Variants in IQSEC3 observed in about 807,000 individuals in gnomAD.
The protein encoded by IQSEC3 is IQ motif and Sec7 domain ArfGEF 3, also known as IQ motif and SEC7 domain-containing protein 3.
A neutral mutation model predicts 105.4 loss-of-function variants in IQSEC3; 50 were observed. The ratio of observed to expected loss-of-function variants is 0.47; its 90% CI spans 0.38 to 0.60. The LOEUF (loss-of-function observed/expected upper bound fraction) is 0.60, where lower values mean the gene tolerates loss of function less well. IQSEC3 is among the 20% of genes least tolerant of loss of function. IQSEC3 has a pLI of 0.00. For missense variants in IQSEC3, 1,415 were observed against 1,630.0 expected (o/e 0.87, Z 2.27); for synonymous variants, 708 against 746.0 (o/e 0.95, Z 0.83).
chr12:86,516 G>T (rs1006066780), intron 1 of IQSEC3, among the ~76,000 whole-genome samples: 2 of 152,122 alleles, frequency 1.3e-5, no homozygotes, highest in African/African-American at 2.4e-5. Context: ...TAGCTCATTT[G>T]CTCATCACAA....
intron 1 of IQSEC3, among the ~76,000 whole-genome samples, chr12:85,576 T>A (rs1012520896): frequency 6.6e-6 from 1 of 152,168 alleles, no homozygotes; most frequent in African/African-American, 2.4e-5. Context: ...GGCATGGAGC[T>A]CGAGGACTGA....
At chr12:127,364 CAA>C (rs1865450029) in intron 3 of IQSEC3, among the ~76,000 whole-genome samples, 1 of 151,912 alleles carries the variant, frequency 6.6e-6, no homozygotes, top group South Asian at 2.1e-4. Context: ...ACTAAAAATA[CAA>C]AAATTAGCCA....
At chr12:98,574 A>T (rs1187928543) in intron 1 of IQSEC3, among the ~76,000 whole-genome samples, 1 of 152,226 alleles carries the variant, frequency 6.6e-6, no homozygotes, top group Non-Finnish European at 1.5e-5. Flanking sequence ...ACTAGAACCC[A>T]GATCCCTGCC....
intron 7 of IQSEC3, among the ~76,000 whole-genome samples, chr12:159,535 G>A (rs893533091): frequency 6.6e-6 from 1 of 152,308 alleles, no homozygotes; most frequent in Middle Eastern, 3.4e-3. Flanking sequence ...CTCAAAACAC[G>A]CCAATCAGGA....
At position 129,136 on chromosome 12, in the gene IQSEC3, T is replaced by C. The variant is rs1036551231; in HGVS notation, c.903+3224T>C. ...CCATTGCCTGTTGCCTCCTCTGTGC[T>C]GTCTGGGAGTGGGAGCTGTTCCGCT... On this transcript the variant is annotated intron_variant, in intron 3 of 13. Coordinates refer to ENST00000538872, the MANE Select transcript of IQSEC3 (RefSeq NM_001170738.2). 4.6e-5 allele frequency among the ~76,000 whole-genome samples: 7 copies of C among 152,372 alleles called. 1 individual carries two copies. Among genetic ancestry groups the C allele is most frequent in the Non-Finnish European group, 2.9e-5 (2 of 68,034 alleles).
At chr12:98,891 G>A (rs569555864) in intron 1 of IQSEC3, among the ~76,000 whole-genome samples, 1 of 152,282 alleles carries the variant, frequency 6.6e-6, no homozygotes, top group East Asian at 1.9e-4. Flanking sequence ...GAGTTCCCAG[G>A]GAGGTCAAGG....
Position 138,391 on chromosome 12 carries a change from T to A in IQSEC3, c.1028T>A (p.Leu343Gln). ...KNFEKIRNSLLESRLPRRISL... is the reference protein window; with the variant it reads ...KNFEKIRNSLQESRLPRRISL... ...TTCGAGAAAATCCGCAACTCGCTTC[T>A]GGAGAGCCGCCTGCCACGGCGGATC... is the stretch of plus-strand genomic sequence containing the variant. Residue 343 changes from leucine (L) to glutamine (Q), a missense_variant, in exon 4 of 14, where the codon CTG becomes CAG. Around this residue, in one of 6 missense-constraint regions of IQSEC3, gnomAD observed 720 missense variants for 633.0 expected, o/e 1.14. Transcript: ENST00000538872. The surrounding 1 kb of genome is among the most constrained non-coding windows in gnomAD (Gnocchi z 7.1). The A allele has an allele frequency of 6.2e-7, 1 of 1,610,896 alleles. No homozygotes were observed. Among genetic ancestry groups the A allele is most frequent in the South Asian group, 1.1e-5 (1 of 91,070 alleles).
chr12:67,213 C>G lies in IQSEC3; in HGVS notation c.331C>G (p.Arg111Gly). ...SAAAPHPAPD[R>G]PPRQHHGQLL... ...AGCCGCGCCGCATCCCGCGCCCGAT[C>G]GGCCGCCGCGTCAGCACCACGGACA... Residue 111 changes from arginine to glycine, a missense_variant, in exon 1 of 14, where the codon CGG becomes GGG. By Grantham distance (125) the Arg-to-Gly change is moderately radical. This residue lies in a region of IQSEC3 where 26 missense variants were observed against 108.1 expected (regional missense o/e 0.24). Transcript: ENST00000538872. 6.4e-7 allele frequency: 1 copy of G among 1,559,706 alleles called. No individual in the cohort carries two copies.
intron 2 of IQSEC3, among the ~76,000 whole-genome samples, chr12:112,452 C>A (rs1864922163): frequency 6.6e-6 from 1 of 152,144 alleles, no homozygotes; most frequent in African/African-American, 2.4e-5. Context: ...ACATTATTTC[C>A]TTCAAAGAGC....
intron 11 of IQSEC3, chr12:166,719 G>A (rs1782697224): frequency 6.6e-6 from 1 of 152,234 alleles, no homozygotes; most frequent in Non-Finnish European, 1.5e-5. Context: ...ACTAATATCT[G>A]TCCATTAGGC....
intron 2 of IQSEC3, among the ~76,000 whole-genome samples, chr12:112,267 C>A (rs1049605401): frequency 7.1e-5 from 3 of 41,982 alleles, no homozygotes. Flanking sequence ...TTCTTTGGTT[C>A]GGGGAGGGCA....
intron 2 of IQSEC3, among the ~76,000 whole-genome samples, chr12:113,806 T>C (rs1477312671): frequency 6.6e-6 from 1 of 152,236 alleles, no homozygotes; most frequent in African/African-American, 2.4e-5. Context: ...TGCAGAGGAA[T>C]GAGCACCACA....
chr12:170,468 AG>A (rs1176854298), intron 12 of IQSEC3, among the ~76,000 whole-genome samples: 37 of 152,224 alleles, frequency 2.4e-4, no homozygotes, highest in Non-Finnish European at 3.2e-4. Flanking sequence ...TGAGCACAGC[AG>A]GGGGAAGCTG....
intron 1 of IQSEC3, among the ~76,000 whole-genome samples, chr12:91,934 C>T (rs1194116036): frequency 1.3e-5 from 2 of 152,182 alleles, no homozygotes; most frequent in Non-Finnish European, 2.9e-5. Flanking sequence ...CCAGCTGCTC[C>T]TTGATGGCCA....
At chr12:125,492 G>A in intron 2 of IQSEC3, 141 bp from the exon 3 acceptor site, 2 of 833,576 alleles carry the variant, frequency 2.4e-6, no homozygotes, top group East Asian at 3.3e-5. Flanking sequence ...CCTCCCTAGA[G>A]GAGACTGTGA....
At chr12:95,312 A>T (rs781877056) in intron 1 of IQSEC3, among the ~76,000 whole-genome samples, 1 of 152,202 alleles carries the variant, frequency 6.6e-6, no homozygotes, top group Non-Finnish European at 1.5e-5. Flanking sequence ...TGTTGCATCA[A>T]TTATTAGTCT....
chr12:124,489 AACCTCCTAAGGTAGGAACTAGG>A (rs1865319726), intron 2 of IQSEC3, among the ~76,000 whole-genome samples: 1 of 152,092 alleles, frequency 6.6e-6, no homozygotes, highest in Non-Finnish European at 1.5e-5. Flanking sequence ...TCCTCACTGT[AACCTCCTAAGGTAGGAACTAGG>A]ACCTCCTAAG....
chr12:162,201 T>G, intron 8 of IQSEC3, 136 bp downstream of exon 8: 1 of 1,003,930 alleles, frequency 1.0e-6, no homozygotes, highest in Non-Finnish European at 1.4e-6. Context: ...GTACCTACTG[T>G]GTGCCAGACA....
At chr12:142,754 G>T in intron 5 of IQSEC3, 1 of 152,382 alleles carries the variant, frequency 6.6e-6, no homozygotes. Context: ...GTGCTACTGG[G>T]ATCCAGGATA....
Sources: gnomAD v4.1 joint callset for allele counts (sites outside exome capture counted in the v4.1 genomes callset) on GRCh38, gnomAD v4.1.1 for gene constraint, gnomAD v4.1.1 regional missense constraint, Gnocchi (gnomAD v3.1) non-coding constraint, MANE v1.5 for transcripts, NCBI Gene and HGNC (gene_info 2026-07-23, HGNC 2026-07-21) for gene names.